The following FOXN3 variants were observed in gnomAD, a reference collection of about 807,000 sequenced individuals.
FOXN3 encodes forkhead box protein N3.
Under a neutral mutation model 38.4 loss-of-function variants are expected in FOXN3, and 7 were observed. The observed-to-expected ratio is 0.18, with a 90% CI of 0.10 to 0.34. The LOEUF (loss-of-function observed/expected upper bound fraction) is 0.34, where lower values mean the gene tolerates loss of function less well. FOXN3 is among the 10% of genes least tolerant of loss of function. The probability of loss-of-function intolerance (pLI) is 1.00; values close to 1 mark genes in which losing one functional copy is unlikely to be tolerated. For missense variants in FOXN3, 456 were observed against 613.4 expected (o/e 0.74, Z 2.71); for synonymous variants, 230 against 242.2 (o/e 0.95, Z 0.47).
At chr14:89,295,059 TC>T (rs1276535393) in intron 3 of FOXN3, among the ~76,000 whole-genome samples, 1 of 152,030 alleles carries the variant, frequency 6.6e-6, no homozygotes, top group Non-Finnish European at 1.5e-5. Context: ...TCCTGTTCCT[TC>T]CCAGCATGTC....
chr14:89,179,808 G>A (rs945320749), intron 5 of FOXN3, among the ~76,000 whole-genome samples: 3 of 152,212 alleles, frequency 2.0e-5, no homozygotes, highest in Non-Finnish European at 4.4e-5. Flanking sequence ...TTTGAAGGAC[G>A]TGCTGCCTTA....
At position 89,604,241 on chromosome 14, in the gene FOXN3, G is replaced by A. The variant is rs1457337657; in HGVS notation, c.-15+14787C>T. On this transcript the variant is annotated intron_variant, in intron 1 of 6. Transcript: ENST00000345097. ...CACACACACACACACACACACACACGTGCGCGCACACACACGCGCGCGCAC... is the reference window on the plus strand; with the variant it reads ...CACACACACACACACACACACACACATGCGCGCACACACACGCGCGCGCAC... 4.1e-5 allele frequency among the ~76,000 whole-genome samples: 5 copies of A among 123,102 alleles called. No individual in the cohort carries two copies. In the South Asian group the frequency reaches 1.4e-3, roughly 34 times the overall value. 80.8% of individuals were successfully genotyped at this position (123,102 alleles called of 152,430 possible). A position where few individuals can be genotyped will look rare whatever the true frequency, so the allele number is the denominator to read the frequency against.
At chr14:89,382,670 C>T (rs569242926) in intron 2 of FOXN3, among the ~76,000 whole-genome samples, 7 of 152,282 alleles carry the variant, frequency 4.6e-5, no homozygotes, top group African/African-American at 1.4e-4. Flanking sequence ...CACCTGTGAT[C>T]GGTTACCTAA....
At chr14:89,200,321 C>T (rs561782209) in intron 4 of FOXN3, among the ~76,000 whole-genome samples, 30 of 152,280 alleles carry the variant, frequency 2.0e-4, no homozygotes, top group African/African-American at 6.7e-4. Context: ...CTTTCTAACT[C>T]GTGTAAATTG....
chr14:89,441,920 G>T (rs1892391884), intron 1 of FOXN3, among the ~76,000 whole-genome samples: 1 of 111,950 alleles, frequency 8.9e-6, no homozygotes, highest in Non-Finnish European at 1.7e-5. Flanking sequence ...GAAACCGGCT[G>T]ACTTTTTTTT....
chr14:89,379,980 A>T (rs1233835472), intron 2 of FOXN3, among the ~76,000 whole-genome samples: 2 of 152,122 alleles, frequency 1.3e-5, no homozygotes, highest in African/African-American at 2.4e-5. Context: ...TCAAACGCAG[A>T]ATAACAGTAC....
chr14:89,600,926 A>G (rs886850148), intron 1 of FOXN3, among the ~76,000 whole-genome samples: 5 of 152,354 alleles, frequency 3.3e-5, no homozygotes, highest in Middle Eastern at 3.4e-3. Context: ...GAAATGCTGT[A>G]TCTTGCTTTC....
chr14:89,360,596 G>GGGAGGGAA (rs200016963), intron 2 of FOXN3, among the ~76,000 whole-genome samples: 22 of 151,092 alleles, frequency 1.5e-4, no homozygotes, highest in South Asian at 6.3e-4. Flanking sequence ...AAGGGAGAGA[G>GGGAGGGAA]GGAGGGAAGG....
chr14:89,544,823 G>T (rs1177714775), intron 1 of FOXN3, among the ~76,000 whole-genome samples: 2 of 152,112 alleles, frequency 1.3e-5, no homozygotes, highest in Non-Finnish European at 2.9e-5. Flanking sequence ...TTCATGCACC[G>T]GGCAAGACAG....
At chr14:89,303,643 T>G (rs1410315110) in intron 3 of FOXN3, among the ~76,000 whole-genome samples, 1 of 152,192 alleles carries the variant, frequency 6.6e-6, no homozygotes, top group East Asian at 1.9e-4. Context: ...CATGCTCTCT[T>G]CATTGCCATG....
At chr14:89,335,788 C>G (rs1255891035) in intron 3 of FOXN3, among the ~76,000 whole-genome samples, 1 of 152,060 alleles carries the variant, frequency 6.6e-6, no homozygotes, top group East Asian at 1.9e-4. Context: ...ATATGTTGCT[C>G]TAACAACAAT....
intron 5 of FOXN3, among the ~76,000 whole-genome samples, chr14:89,174,064 G>A (rs1342968275): frequency 1.3e-5 from 2 of 152,096 alleles, no homozygotes; most frequent in Non-Finnish European, 2.9e-5. Context: ...TACGAAGAAT[G>A]ATAGGAAATA....
intron 2 of FOXN3, among the ~76,000 whole-genome samples, chr14:89,408,811 CCAACCTT>C (rs1446779249): frequency 2.6e-5 from 4 of 152,138 alleles, no homozygotes; most frequent in Non-Finnish European, 5.9e-5. Flanking sequence ...GTATTTCTCA[CCAACCTT>C]CAGGTGCATT....
intron 1 of FOXN3, among the ~76,000 whole-genome samples, chr14:89,465,589 C>G (rs779498102): frequency 1.3e-5 from 2 of 152,158 alleles, no homozygotes; most frequent in Non-Finnish European, 2.9e-5. Context: ...CAAGGGGGTC[C>G]CACAAGGTTA....
chr14:89,432,378 G>A lies in FOXN3; in HGVS notation c.-14-19888C>T, dbSNP rs1254102066. 6.6e-5 allele frequency among the ~76,000 whole-genome samples: 10 copies of A among 152,114 alleles called. 1 individual carries two copies. Among genetic ancestry groups the A allele is most frequent in the Non-Finnish European group, 1.5e-4 (10 of 68,036 alleles). On this transcript the variant is annotated intron_variant, in intron 1 of 6. Transcript: ENST00000345097. ...GACATTCAAGGCGCTTGAACAACAG[G>A]AGTCAAAACAATGAACACCAAGTAC...
intron 2 of FOXN3, among the ~76,000 whole-genome samples, chr14:89,375,924 G>A (rs755792377): frequency 2.0e-5 from 3 of 152,116 alleles, no homozygotes; most frequent in Admixed American, 6.5e-5. Context: ...GAGATTACAG[G>A]TGCCTGCCAC....
intron 1 of FOXN3, among the ~76,000 whole-genome samples, chr14:89,513,905 TAC>T (rs58182379): frequency 0.34 from 51,252 of 149,140 alleles, 8,727 homozygotes; most frequent in African/African-American, 0.38. Context: ...CTTTCTCTCT[TAC>T]ACACACACAC....
intron 1 of FOXN3, among the ~76,000 whole-genome samples, chr14:89,463,838 G>T (rs1175083318): frequency 6.7e-6 from 1 of 149,844 alleles, no homozygotes; most frequent in African/African-American, 2.5e-5. Context: ...AGACTGGAGT[G>T]CAGTGACGCA....
chr14:89,511,141 T>TTTTCTTTCTTTCTTTCTTTCTTTCTTTC lies in FOXN3; in HGVS notation c.-14-98679_-14-98652dup, dbSNP rs1251992345. Among the ~76,000 whole-genome samples, 32 of 20,996 alleles carry TTTTCTTTCTTTCTTTCTTTCTTTCTTTC rather than the reference T, an allele frequency of 1.5e-3. 6 individuals are homozygous for TTTTCTTTCTTTCTTTCTTTCTTTCTTTC. Among genetic ancestry groups the TTTTCTTTCTTTCTTTCTTTCTTTCTTTC allele is most frequent in the South Asian group, 7.6e-3 (5 of 658 alleles). 13.8% of individuals were successfully genotyped at this position (20,996 alleles called of 152,430 possible). On this transcript the variant is annotated intron_variant, in intron 1 of 6. Transcript: ENST00000345097. ...CTTGGTGTCTTTCTTTCTTTCTTTCTTTTCTTTCTTTCTTTCTTTCTTTCT... is the reference window on the plus strand; with the variant it reads ...CTTGGTGTCTTTCTTTCTTTCTTTCTTTTCTTTCTTTCTTTCTTTCTTTCTTTCTTTCTTTCTTTCTTTCTTTCTTTCT...
Sources: gnomAD v4.1 joint callset for allele counts (sites outside exome capture counted in the v4.1 genomes callset) on GRCh38, gnomAD v4.1.1 for gene constraint, MANE v1.5 for transcripts, NCBI Gene and HGNC (gene_info 2026-07-23, HGNC 2026-07-21) for gene names.